The following CACNA1E variants were observed in gnomAD, a reference collection of about 807,000 sequenced individuals.
CACNA1E encodes the protein voltage-dependent R-type calcium channel subunit alpha-1E.
A neutral mutation model predicts 259.2 loss-of-function variants in CACNA1E; 40 were observed. The ratio of observed to expected loss-of-function variants is 0.15; its 90% CI spans 0.12 to 0.20. The LOEUF is 0.20. CACNA1E is among the 10% of genes least tolerant of loss of function. The pLI, the probability that CACNA1E is intolerant of heterozygous loss-of-function variation, is 1.00. For missense variants in CACNA1E, 1,874 were observed against 3,040.1 expected, an observed-to-expected ratio of 0.62 and a Z score of 9.02; for synonymous variants, 1,104 against 1,138.5, an observed-to-expected ratio of 0.97 and a Z score of 0.61.
intron 4 of CACNA1E, among the ~76,000 whole-genome samples, chr1:181,578,699 C>T (rs1334955687): frequency 6.6e-6 from 1 of 152,102 alleles, no homozygotes; most frequent in Non-Finnish European, 1.5e-5. Flanking sequence ...CAACAAACAC[C>T]TTTTTACTTA....
At chr1:181,785,242 A>G (rs1480187706) in intron 41 of CACNA1E, 76 bp from the exon 42 acceptor site, 1 of 847,244 alleles carries the variant, frequency 1.2e-6, no homozygotes, top group Non-Finnish European at 2.0e-6. Context: ...GAGAGTGGGT[A>G]ACAAAGCTTA....
chr1:181,777,679 T>C (rs1446019626), intron 38 of CACNA1E, among the ~76,000 whole-genome samples: 1 of 152,180 alleles, frequency 6.6e-6, no homozygotes, highest in Non-Finnish European at 1.5e-5. Context: ...ACCTGTAAAA[T>C]GGTGATCGTG....
At chr1:181,554,594 A>G (rs1003691889) in intron 3 of CACNA1E, among the ~76,000 whole-genome samples, 8 of 152,198 alleles carry the variant, frequency 5.3e-5, no homozygotes, top group Non-Finnish European at 1.0e-4. Flanking sequence ...AGTGATACTA[A>G]TGGTCCTCAC....
intron 2 of CACNA1E, among the ~76,000 whole-genome samples, chr1:181,458,773 A>G (rs945832112): frequency 6.6e-6 from 1 of 152,146 alleles, no homozygotes; most frequent in East Asian, 1.9e-4. Context: ...TTTGGTTTCT[A>G]TCACATTTGA....
intron 3 of CACNA1E, among the ~76,000 whole-genome samples, chr1:181,558,012 A>G (rs1648919087): frequency 6.6e-6 from 1 of 152,260 alleles, no homozygotes; most frequent in African/African-American, 2.4e-5. Flanking sequence ...ACAATTGTCC[A>G]GAATAACTAG....
Position 181,522,893 on chromosome 1 carries a change from C to T in CACNA1E, c.512+11383C>T, listed in dbSNP as rs16857491. Among the ~76,000 whole-genome samples, 1,313 of 152,336 alleles carry T rather than the reference C, an allele frequency of 8.6e-3. 16 individuals carry two copies. Among genetic ancestry groups the T allele is most frequent in the African/African-American group, 0.029 (1,224 of 41,570 alleles). On this transcript the variant is annotated intron_variant, in intron 3 of 47. Coordinates refer to ENST00000367573, the MANE Select transcript of CACNA1E (RefSeq NM_001205293.3). ...CCCACATCCCCTCTTCAGATGAGTG[C>T]AGCCAGCTCTTTAACGTGTTAGCTT...
At chr1:181,472,045 G>A (rs771742520) in intron 2 of CACNA1E, among the ~76,000 whole-genome samples, 1 of 152,180 alleles carries the variant, frequency 6.6e-6, no homozygotes, top group Non-Finnish European at 1.5e-5. Flanking sequence ...TGTGGTGTAT[G>A]TAGACACACA....
chr1:181,731,296 G>A, intron 19 of CACNA1E, 65 bp downstream of exon 19: 1 of 1,310,746 alleles, frequency 7.6e-7, no homozygotes, highest in Non-Finnish European at 1.1e-6. Flanking sequence ...ATGTGTCATT[G>A]TCCTTGCCAT....
At chr1:181,537,095 CTTTT>C (rs201514362) in intron 3 of CACNA1E, among the ~76,000 whole-genome samples, 3 of 112,638 alleles carry the variant, frequency 2.7e-5, no homozygotes, top group South Asian at 2.6e-4. Context: ...TTTTTCTTTT[CTTTT>C]TTTTTTTTTT....
intron 2 of CACNA1E, among the ~76,000 whole-genome samples, chr1:181,429,378 G>A (rs1659547092): frequency 6.6e-6 from 1 of 152,138 alleles, no homozygotes; most frequent in Non-Finnish European, 1.5e-5. Flanking sequence ...GTGCTCCTCT[G>A]TTGCGGTGCC....
chr1:181,551,990 G>A (rs1198281372), intron 3 of CACNA1E, among the ~76,000 whole-genome samples: 1 of 152,052 alleles, frequency 6.6e-6, no homozygotes, highest in Non-Finnish European at 1.5e-5. Flanking sequence ...AGCAGTGTAA[G>A]CTTTCATCAA....
At chr1:181,511,324 A>G in intron 2 of CACNA1E, 47 bp from the exon 3 acceptor site, 1 of 1,609,418 alleles carries the variant, frequency 6.2e-7, no homozygotes, top group Non-Finnish European at 8.5e-7. Flanking sequence ...GTGTCTCATA[A>G]AGCACAGTCC....
intron 22 of CACNA1E, 119 bp downstream of exon 22, chr1:181,736,553 G>A (rs932599994): frequency 9.8e-6 from 9 of 917,570 alleles, no homozygotes; most frequent in Non-Finnish European, 1.5e-5. Flanking sequence ...AGCCTTCCTG[G>A]TGGAGCATGG....
intron 1 of CACNA1E, among the ~76,000 whole-genome samples, chr1:181,376,398 G>A (rs1380718135): frequency 2.0e-5 from 3 of 152,214 alleles, no homozygotes; most frequent in African/African-American, 7.2e-5. Flanking sequence ...TTCTACGATT[G>A]CATTGGCCTA....
intron 1 of CACNA1E, among the ~76,000 whole-genome samples, chr1:181,406,343 C>T (rs1268271115): frequency 2.6e-5 from 4 of 152,142 alleles, no homozygotes; most frequent in Non-Finnish European, 5.9e-5. Context: ...TGGCCAGGTG[C>T]TGTTCTATGA....
intron 16 of CACNA1E, among the ~76,000 whole-genome samples, chr1:181,722,788 A>T (rs547288489): frequency 2.0e-5 from 3 of 152,204 alleles, no homozygotes; most frequent in African/African-American, 7.2e-5. Flanking sequence ...TGCATTTTCC[A>T]TAGTTTCATA....
intron 1 of CACNA1E, among the ~76,000 whole-genome samples, chr1:181,384,928 T>G (rs1397586395): frequency 6.6e-6 from 1 of 152,234 alleles, no homozygotes; most frequent in Non-Finnish European, 1.5e-5. Flanking sequence ...CCTGCTTTCC[T>G]GCCTCTTTCC....
At chr1:181,624,447 CT>C (rs1475838669) in intron 6 of CACNA1E, among the ~76,000 whole-genome samples, 2 of 152,208 alleles carry the variant, frequency 1.3e-5, no homozygotes, top group African/African-American at 4.8e-5. Context: ...TCAAACCCTG[CT>C]GCTCTTCTAT....
chr1:181,360,932 C>A (rs1285591809), intron 1 of CACNA1E, among the ~76,000 whole-genome samples: 1 of 152,154 alleles, frequency 6.6e-6, no homozygotes, highest in Admixed American at 6.5e-5. Context: ...CAAGGACCCA[C>A]AGTGCTCTCA....
Sources: gnomAD v4.1 joint callset for allele counts (sites outside exome capture counted in the v4.1 genomes callset) on GRCh38, gnomAD v4.1.1 for gene constraint, MANE v1.5 for transcripts, NCBI Gene and HGNC (gene_info 2026-07-23, HGNC 2026-07-21) for gene names.